SRP72: variants seen among roughly 807,000 people sequenced by gnomAD.
SRP72 encodes signal recognition particle subunit SRP72.
Under a neutral mutation model 96.3 loss-of-function variants are expected in SRP72, and 49 were observed. The ratio of observed to expected loss-of-function variants is 0.51; its 90% confidence interval spans 0.40 to 0.65. The LOEUF (loss-of-function observed/expected upper bound fraction) is 0.65, where lower values mean the gene tolerates loss of function less well. SRP72 is among the 30% of genes least tolerant of loss of function. SRP72 has a pLI of 0.00. For synonymous variants in SRP72, 267 were observed against 275.2 expected, an observed-to-expected ratio of 0.97 and a Z score of 0.30; for missense variants, 736 against 793.3, an observed-to-expected ratio of 0.93 and a Z score of 0.87.
At chr4:56,479,507 T>TTTTC (rs1042711776) in intron 8 of SRP72, among the ~76,000 whole-genome samples, 1 of 151,462 alleles carries the variant, frequency 6.6e-6, no homozygotes, top group Non-Finnish European at 1.5e-5. Context: ...AAAGCTTTAT[T>TTTTC]TTTCTTTCTT....
chr4:56,502,034 T>G lies in SRP72; in HGVS notation c.*173T>G, dbSNP rs10051. 1 of 681,820 alleles carries G rather than the reference T, an allele frequency of 1.5e-6. No homozygotes were observed. Among genetic ancestry groups the G allele is most frequent in the Non-Finnish European group, 2.5e-6 (1 of 402,546 alleles). 42.2% of individuals were successfully genotyped at this position (681,820 alleles called of 1,614,324 possible). ...TCCTCAAAGTCTGCCTAGTGAGATA[T>G]GGCCTACTGGTTGCCTCATAGCTTT... On this transcript the variant is annotated 3_prime_UTR_variant, in exon 19 of 19. Coordinates refer to ENST00000642900, the MANE Select transcript of SRP72 (RefSeq NM_006947.4).
chr4:56,475,561 CAAA>C (rs1180420128), intron 5 of SRP72: 19 of 103,282 alleles, frequency 1.8e-4, no homozygotes, highest in Admixed American at 3.9e-4. Flanking sequence ...GACGCTGTCT[CAAA>C]AAAAAAAAAA....
chr4:56,478,767 T>G, intron 8 of SRP72, 118 bp downstream of exon 8: 1 of 991,160 alleles, frequency 1.0e-6, no homozygotes, highest in Middle Eastern at 3.3e-4. Flanking sequence ...AAAAGTCCAG[T>G]TGTAGCAAAA....
At chr4:56,476,950 C>T (rs1305944540) in intron 6 of SRP72, 1 of 437,578 alleles carries the variant, frequency 2.3e-6, no homozygotes, top group Non-Finnish European at 4.0e-6. Context: ...AATTTATTCC[C>T]CCATTTTAGG....
At chr4:56,481,612 A>C (rs1720487520) in intron 8 of SRP72, among the ~76,000 whole-genome samples, 1 of 152,116 alleles carries the variant, frequency 6.6e-6, no homozygotes, top group Non-Finnish European at 1.5e-5. Flanking sequence ...AAATGGGTTC[A>C]AAAGTGGTAC....
chr4:56,467,856 A>C, intron 1 of SRP72, 112 bp downstream of exon 1: 1 of 1,050,228 alleles, frequency 9.5e-7, no homozygotes, highest in South Asian at 2.2e-5. Context: ...AGACCCCCGA[A>C]ACCCCCCCGT....
At chr4:56,479,157 T>A (rs1720367825) in intron 8 of SRP72, among the ~76,000 whole-genome samples, 1 of 152,102 alleles carries the variant, frequency 6.6e-6, no homozygotes, top group Admixed American at 6.6e-5. Context: ...CTAATGTCAT[T>A]AGCCACCATT....
intron 3 of SRP72, among the ~76,000 whole-genome samples, chr4:56,472,702 A>G (rs1402541853): frequency 1.3e-5 from 2 of 152,136 alleles, no homozygotes; most frequent in Admixed American, 1.3e-4. Context: ...TATTGAATGT[A>G]TTGTCCTCAG....
chr4:56,478,385 A>C lies in SRP72; in HGVS notation c.649A>C (p.Thr217Pro). ...RRSLSEDTDG[T>P]EEDPQAELAI... ...AAACATTTCTTTCTCTTAGGATGGG[A>C]CTGAGGAAGACCCACAGGCAGAACT... Residue 217 changes from threonine to proline, a missense_variant, in exon 7 of 19, where the codon ACT becomes CCT. Around this residue, in one of 3 missense-constraint regions of SRP72, gnomAD observed 329 missense variants for 319.0 expected, o/e 1.03. Transcript: ENST00000642900. 1 of 1,602,552 alleles carries C rather than the reference A, an allele frequency of 6.2e-7. No homozygotes were observed. Among genetic ancestry groups the C allele is most frequent in the Admixed American group, 1.7e-5 (1 of 57,684 alleles).
intron 16 of SRP72, among the ~76,000 whole-genome samples, chr4:56,493,864 T>TA (rs566011636): frequency 2.6e-5 from 4 of 151,754 alleles, no homozygotes; most frequent in Non-Finnish European, 5.9e-5. Context: ...AGACTCTGTC[T>TA]AAAAAAAAGG....
In SRP72 at chr4:56,502,801, A is replaced by G. The variant is rs758266905; in HGVS notation, c.*940A>G. On this transcript the variant is annotated 3_prime_UTR_variant, in exon 19 of 19. Coordinates refer to ENST00000642900, the MANE Select transcript of SRP72 (RefSeq NM_006947.4). ...TAACAGGTCTGTTTGGCCCATTGAT[A>G]GATACTCAAATGGTGTCTCCTTCTG... 3 of 152,216 alleles carry G rather than the reference A, an allele frequency of 2.0e-5. No individual in the cohort carries two copies. Among genetic ancestry groups the G allele is most frequent in the Admixed American group, 6.6e-5 (1 of 15,264 alleles). The allele number at this position is 152,216 out of a possible 1,614,324, so 9.4% of individuals were successfully genotyped here.
intron 17 of SRP72, among the ~76,000 whole-genome samples, chr4:56,497,361 A>T (rs914385838): frequency 6.6e-6 from 1 of 151,726 alleles, no homozygotes; most frequent in African/African-American, 2.4e-5. Flanking sequence ...CTGGGACTGC[A>T]GGCGTACCCC....
chr4:56,491,336 C>T, intron 15 of SRP72, 95 bp from the exon 16 acceptor site: 11 of 1,404,836 alleles, frequency 7.8e-6, no homozygotes, highest in Non-Finnish European at 9.6e-6. Flanking sequence ...AAAAGACAGT[C>T]TTCCAGTGTC....
At position 56,495,337 on chromosome 4, in the gene SRP72, A is replaced by AT. The variant is rs746040114; in HGVS notation, c.1641-11dup. ...ATATTTTATCACAAAGATGGTAATG[A>AT]TTTTTTTTTCTCTTTGTAGACAGGG... is the stretch of plus-strand genomic sequence containing the variant. On this transcript the variant is annotated intron_variant, in intron 16 of 18. Coordinates refer to ENST00000642900, the MANE Select transcript of SRP72 (RefSeq NM_006947.4). 5.6e-4 allele frequency: 805 copies of AT among 1,445,816 alleles called. No individual in the cohort carries two copies. The highest frequency in any genetic ancestry group is 8.1e-4 in the South Asian group (66 of 81,364). 89.6% of individuals were successfully genotyped at this position (1,445,816 alleles called of 1,614,324 possible).
At chr4:56,498,329 G>A (rs1721149072) in intron 17 of SRP72, among the ~76,000 whole-genome samples, 1 of 152,158 alleles carries the variant, frequency 6.6e-6, no homozygotes, top group African/African-American at 2.4e-5. Context: ...TACTGAATGA[G>A]CAAAAGCTGG....
At chr4:56,493,130 T>C (rs1297320885) in intron 16 of SRP72, among the ~76,000 whole-genome samples, 9 of 152,190 alleles carry the variant, frequency 5.9e-5, no homozygotes, top group Non-Finnish European at 8.8e-5. Context: ...CTCCGCCTCC[T>C]GGGTTCAAGC....
intron 2 of SRP72, among the ~76,000 whole-genome samples, chr4:56,470,537 CAA>C (rs753714537): frequency 2.3e-5 from 3 of 129,778 alleles, no homozygotes; most frequent in Non-Finnish European, 5.1e-5. Flanking sequence ...GACTCCGTCT[CAA>C]AAAAAAAAAA....
intron 18 of SRP72, among the ~76,000 whole-genome samples, chr4:56,501,213 G>A (rs891321748): frequency 6.6e-6 from 1 of 152,170 alleles, no homozygotes; most frequent in African/African-American, 2.4e-5. Context: ...TTCGAGAATA[G>A]CTTGGCCAAT....
At chr4:56,483,367 T>G in intron 9 of SRP72, 97 bp downstream of exon 9, 1 of 1,283,056 alleles carries the variant, frequency 7.8e-7, no homozygotes, top group Non-Finnish European at 1.1e-6. Flanking sequence ...AGTTTTTGTT[T>G]GTATTTTGTC....
Sources: gnomAD v4.1 joint callset for allele counts (sites outside exome capture counted in the v4.1 genomes callset) on GRCh38, gnomAD v4.1.1 for gene constraint, gnomAD v4.1.1 regional missense constraint, MANE v1.5 for transcripts, NCBI Gene and HGNC (gene_info 2026-07-23, HGNC 2026-07-21) for gene names.